Variants in C4orf17 observed in about 807,000 individuals in gnomAD.
C4orf17 encodes the protein chromosome 4 open reading frame 17, also known as uncharacterized protein C4orf17.
In C4orf17, 25 loss-of-function variants were observed where a neutral mutation model predicts 32.0. That is an observed-to-expected ratio of 0.78 (90% CI 0.57 to 1.09). The LOEUF (loss-of-function observed/expected upper bound fraction) is 1.09, where lower values mean the gene tolerates loss of function less well. Ranked by LOEUF, C4orf17 falls within the 50% of genes least tolerant of loss-of-function variation. The probability of loss-of-function intolerance (pLI) is 0.00; values close to 1 mark genes in which losing one functional copy is unlikely to be tolerated. For missense variants in C4orf17, 420 were observed against 420.0 expected, an observed-to-expected ratio of 1.00 and a Z score of 0.00; for synonymous variants, 149 against 145.8, an observed-to-expected ratio of 1.02 and a Z score of -0.16.
chr4:99,520,724 G>T (rs1049184512), intron 2 of C4orf17, among the ~76,000 whole-genome samples: 6 of 152,138 alleles, frequency 3.9e-5, no homozygotes, highest in Non-Finnish European at 5.9e-5. Flanking sequence ...TCATTTCTTG[G>T]TTGGAGGGAA....
At chr4:99,523,649 G>A (rs1193535163) in intron 3 of C4orf17, among the ~76,000 whole-genome samples, 1 of 152,112 alleles carries the variant, frequency 6.6e-6, no homozygotes, top group African/African-American at 2.4e-5. Flanking sequence ...TGGGGATCAG[G>A]TGTCACCACC....
At chr4:99,518,538 T>TAGAG (rs1560585518) in intron 2 of C4orf17, among the ~76,000 whole-genome samples, 2 of 72,274 alleles carry the variant, frequency 2.8e-5, no homozygotes, top group African/African-American at 7.7e-5. Flanking sequence ...TATATATATA[T>TAGAG]ATATATAGAG....
In C4orf17 at chr4:99,524,536, T is replaced by C. The variant is rs559685876; in HGVS notation, c.353T>C (p.Ile118Thr). The C allele has an allele frequency of 4.4e-6, 7 of 1,602,216 alleles. 1 individual carries two copies. The highest frequency in any genetic ancestry group is 4.0e-5 in the African/African-American group (3 of 74,662). ...PRPHSEPSRK[I>T]KECFKTSSEN... ...TTTATTTCAGAGCCCAGTAGAAAAA[T>C]TAAAGAGTGCTTCAAAACTTCCAGT... Residue 118 changes from isoleucine to threonine, a missense_variant, in exon 4 of 9, where the codon ATT becomes ACT. Transcript: ENST00000326581.
intron 5 of C4orf17, among the ~76,000 whole-genome samples, chr4:99,534,310 T>G (rs1216670079): frequency 6.6e-6 from 1 of 152,192 alleles, no homozygotes; most frequent in Non-Finnish European, 1.5e-5. Context: ...GCAAAAGACA[T>G]GATCTTTTTT....
intron 4 of C4orf17, among the ~76,000 whole-genome samples, chr4:99,529,405 T>C (rs1050117474): frequency 3.3e-5 from 5 of 152,212 alleles, no homozygotes; most frequent in African/African-American, 9.6e-5. Context: ...AGCAAGGAAG[T>C]AGCAATTTGC....
intron 4 of C4orf17, among the ~76,000 whole-genome samples, chr4:99,528,943 G>A (rs182283385): frequency 3.2e-4 from 49 of 152,194 alleles, no homozygotes; most frequent in Admixed American, 1.1e-3. Flanking sequence ...ATCATCTCAC[G>A]TAAAGTCAGT....
intron 3 of C4orf17, among the ~76,000 whole-genome samples, chr4:99,524,024 G>T (rs1354753423): frequency 7.5e-6 from 1 of 133,542 alleles, no homozygotes; most frequent in Non-Finnish European, 1.5e-5. Context: ...CTGTCGCCCA[G>T]CCTGGAGTGC....
intron 2 of C4orf17, among the ~76,000 whole-genome samples, 193 bp downstream of exon 2, chr4:99,513,401 C>A: frequency 6.6e-6 from 1 of 152,162 alleles, no homozygotes; most frequent in Non-Finnish European, 1.5e-5. Context: ...GGCCTGCAGT[C>A]CCTCTCTGTG....
chr4:99,520,852 T>C (rs1382579060), intron 2 of C4orf17, among the ~76,000 whole-genome samples: 1 of 152,218 alleles, frequency 6.6e-6, no homozygotes, highest in Admixed American at 6.5e-5. Context: ...CTTAACAAAT[T>C]CTTACTAAGC....
intron 7 of C4orf17, 65 bp downstream of exon 7, chr4:99,539,435 GTTAT>G: frequency 2.3e-6 from 3 of 1,291,550 alleles, no homozygotes; most frequent in Non-Finnish European, 3.4e-6. Flanking sequence ...GAATTCTCTT[GTTAT>G]TTATCTTTCA....
intron 5 of C4orf17, among the ~76,000 whole-genome samples, chr4:99,532,770 G>A (rs1723497806): frequency 6.6e-6 from 1 of 152,158 alleles, no homozygotes; most frequent in South Asian, 2.1e-4. Flanking sequence ...AAATACTAGA[G>A]TGTGAGGACA....
intron 5 of C4orf17, chr4:99,535,945 T>C (rs1723553753): frequency 4.6e-6 from 2 of 436,634 alleles, no homozygotes; most frequent in African/African-American, 4.7e-5. Context: ...GTTGTTTTTT[T>C]CTGTTTTTCT....
intron 5 of C4orf17, among the ~76,000 whole-genome samples, chr4:99,532,813 A>G (rs527971646): frequency 2.0e-5 from 3 of 152,334 alleles, no homozygotes; most frequent in Admixed American, 6.5e-5. Flanking sequence ...AGGTTATGAA[A>G]TAATAGTGCA....
intron 3 of C4orf17, among the ~76,000 whole-genome samples, chr4:99,523,876 G>A (rs369926574): frequency 5.0e-4 from 76 of 151,368 alleles, no homozygotes; most frequent in Non-Finnish European, 9.7e-4. Flanking sequence ...CCATCTTTCT[G>A]TCTAAAGGTC....
intron 4 of C4orf17, among the ~76,000 whole-genome samples, chr4:99,527,721 G>A (rs1325811564): frequency 1.3e-5 from 2 of 152,164 alleles, no homozygotes; most frequent in Non-Finnish European, 2.9e-5. Context: ...AGCAGGTTGT[G>A]GTCCAGGGAT....
intron 3 of C4orf17, among the ~76,000 whole-genome samples, chr4:99,524,055 C>T (rs1231231074): frequency 6.8e-6 from 1 of 147,654 alleles, no homozygotes; most frequent in Non-Finnish European, 1.5e-5. Flanking sequence ...TCTCCGCTCA[C>T]TGCAAACTCC....
chr4:99,525,312 C>T (rs763810989), intron 4 of C4orf17, among the ~76,000 whole-genome samples: 19 of 152,122 alleles, frequency 1.2e-4, no homozygotes, highest in Non-Finnish European at 2.4e-4. Flanking sequence ...TTTTTTTCCT[C>T]CACGTCTTCC....
intron 5 of C4orf17, among the ~76,000 whole-genome samples, chr4:99,531,120 T>G (rs1348687580): frequency 1.1e-5 from 1 of 91,300 alleles, no homozygotes; most frequent in East Asian, 3.0e-4. Context: ...CCATTACCCT[T>G]TGTTTTTTTT....
intron 5 of C4orf17, 40 bp from the exon 6 acceptor site, chr4:99,537,629 T>C: frequency 1.4e-6 from 2 of 1,394,942 alleles, no homozygotes; most frequent in Non-Finnish European, 2.0e-6. Context: ...AGCCTTGTAC[T>C]ATTTATTTGC....
Sources: gnomAD v4.1 joint callset for allele counts (sites outside exome capture counted in the v4.1 genomes callset) on GRCh38, gnomAD v4.1.1 for gene constraint, MANE v1.5 for transcripts, NCBI Gene and HGNC (gene_info 2026-07-23, HGNC 2026-07-21) for gene names.